The following AGBL4 variants were observed in gnomAD, a reference collection of about 807,000 sequenced individuals.
AGBL4 encodes cytosolic carboxypeptidase 6.
A neutral mutation model predicts 66.4 loss-of-function variants in AGBL4; 58 were observed. The ratio of observed to expected loss-of-function variants is 0.87; its 90% CI spans 0.71 to 1.09. AGBL4 has a LOEUF of 1.09. Ranked by LOEUF, AGBL4 falls within the 50% of genes least tolerant of loss-of-function variation. The pLI is 0.00. For missense variants in AGBL4, 579 were observed against 631.0 expected, an observed-to-expected ratio of 0.92 and a Z score of 0.88; for synonymous variants, 234 against 222.9, an observed-to-expected ratio of 1.05 and a Z score of -0.44.
intron 6 of AGBL4, among the ~76,000 whole-genome samples, chr1:48,754,137 CA>C (rs1652163943): frequency 6.6e-6 from 1 of 152,176 alleles, no homozygotes; most frequent in Non-Finnish European, 1.5e-5. Flanking sequence ...TACAGTGTAA[CA>C]AACTGGGGAG....
chr1:48,871,824 T>G (rs938730977), intron 5 of AGBL4, among the ~76,000 whole-genome samples: 8 of 152,088 alleles, frequency 5.3e-5, no homozygotes, highest in African/African-American at 1.7e-4. Flanking sequence ...TATTCCCCCA[T>G]GCATCGAGTG....
chr1:49,385,723 AAAT>A (rs1644722692), intron 3 of AGBL4, among the ~76,000 whole-genome samples: 1 of 152,094 alleles, frequency 6.6e-6, no homozygotes, highest in Admixed American at 6.5e-5. Context: ...GAGAAGACAT[AAAT>A]ATTATAGAAG....
intron 4 of AGBL4, among the ~76,000 whole-genome samples, chr1:49,215,134 A>C (rs959377334): frequency 6.6e-6 from 1 of 152,136 alleles, no homozygotes; most frequent in Non-Finnish European, 1.5e-5. Flanking sequence ...ACCTGTCAGA[A>C]ATATTCCAGC....
At chr1:49,325,692 T>G (rs1557841128) in intron 3 of AGBL4, among the ~76,000 whole-genome samples, 2 of 152,202 alleles carry the variant, frequency 1.3e-5, no homozygotes, top group Non-Finnish European at 2.9e-5. Context: ...TTTGGATCTG[T>G]GTCTCCACCA....
intron 3 of AGBL4, among the ~76,000 whole-genome samples, chr1:49,372,607 T>TTCTC (rs759190346): frequency 4.5e-5 from 5 of 111,092 alleles, no homozygotes; most frequent in Non-Finnish European, 9.2e-5. Context: ...TTCTTTTTCT[T>TTCTC]TTTCTTTCTT....
intron 5 of AGBL4, among the ~76,000 whole-genome samples, chr1:48,962,115 A>ATCCATCCATCCG (rs1271130436): frequency 2.4e-4 from 36 of 149,002 alleles, no homozygotes; most frequent in Admixed American, 1.1e-3. Flanking sequence ...CCATCCATCC[A>ATCCATCCATCCG]TCCATCCATC....
chr1:48,672,163 A>G (rs1646286907), intron 6 of AGBL4, among the ~76,000 whole-genome samples: 1 of 152,186 alleles, frequency 6.6e-6, no homozygotes, highest in Admixed American at 6.5e-5. Flanking sequence ...TCCGTAATGG[A>G]TTTTTCCACA....
intron 2 of AGBL4, among the ~76,000 whole-genome samples, chr1:49,734,781 T>C (rs953092439): frequency 6.6e-6 from 1 of 151,392 alleles, no homozygotes; most frequent in Non-Finnish European, 1.5e-5. Context: ...ACTTTATATA[T>C]ATTAAAATAA....
intron 3 of AGBL4, among the ~76,000 whole-genome samples, chr1:49,462,144 G>GAATGCT (rs1308022665): frequency 5.3e-5 from 8 of 151,662 alleles, no homozygotes; most frequent in African/African-American, 1.7e-4. Context: ...TGGGCTAGAT[G>GAATGCT]AATGCTAAGG....
rs12068292 is a variant in AGBL4, at chr1:48,732,509, G to A, written c.635-69268C>T. Reference sequence around the variant, plus strand: ...AAGTAAATAGGAAATGCTATGCAGAGACTTGGAGTAGGGTGATGTGACAGA... The same window carrying A: ...AAGTAAATAGGAAATGCTATGCAGAAACTTGGAGTAGGGTGATGTGACAGA... On this transcript the variant is annotated intron_variant, in intron 6 of 13. Coordinates refer to ENST00000371839, the MANE Select transcript of AGBL4 (RefSeq NM_032785.4). 2.9e-3 allele frequency among the ~76,000 whole-genome samples: 445 copies of A among 151,020 alleles called. 1 individual carries two copies. Among genetic ancestry groups the A allele is most frequent in the African/African-American group, 9.6e-3 (387 of 40,328 alleles).
rs140183679 is a variant in AGBL4, at chr1:48,667,537, G to A, written c.635-4296C>T. On this transcript the variant is annotated intron_variant, in intron 6 of 13. Coordinates refer to ENST00000371839, the MANE Select transcript of AGBL4 (RefSeq NM_032785.4). ...TATGCCAAAACCACCCAGCTAAGCT[G>A]TTCCCACATTCTTGACCCACAGAAA... 7.1e-3 allele frequency among the ~76,000 whole-genome samples: 1,081 copies of A among 152,328 alleles called. 13 individuals carry two copies. Among genetic ancestry groups the A allele is most frequent in the Non-Finnish European group, 0.012 (809 of 68,032 alleles).
intron 4 of AGBL4, among the ~76,000 whole-genome samples, chr1:49,202,613 C>G (rs1283239113): frequency 1.3e-5 from 2 of 151,922 alleles, no homozygotes; most frequent in Non-Finnish European, 2.9e-5. Context: ...AAAAGAAACT[C>G]AAAATGGGAT....
chr1:49,142,538 A>T (rs1646139398), intron 4 of AGBL4, among the ~76,000 whole-genome samples: 1 of 152,200 alleles, frequency 6.6e-6, no homozygotes, highest in Non-Finnish European at 1.5e-5. Flanking sequence ...AGAATGACTT[A>T]AGTGGGAGCA....
At chr1:49,150,952 C>A (rs1443881222) in intron 4 of AGBL4, among the ~76,000 whole-genome samples, 2 of 151,996 alleles carry the variant, frequency 1.3e-5, no homozygotes, top group African/African-American at 4.8e-5. Context: ...AATTAAAATA[C>A]AATTTAAAAC....
At chr1:49,923,123 T>C (rs139249579) in intron 1 of AGBL4, among the ~76,000 whole-genome samples, 138 of 152,190 alleles carry the variant, frequency 9.1e-4, no homozygotes, top group African/African-American at 3.2e-3. Flanking sequence ...AACAGACACA[T>C]AGTCCAATGG....
At chr1:49,710,731 C>T (rs1276627724) in intron 2 of AGBL4, among the ~76,000 whole-genome samples, 1 of 151,612 alleles carries the variant, frequency 6.6e-6, no homozygotes, top group African/African-American at 2.4e-5. Context: ...ATAAACTGAA[C>T]TTCATAAACA....
At chr1:50,003,760 G>T (rs753886673) in intron 1 of AGBL4, among the ~76,000 whole-genome samples, 2 of 152,138 alleles carry the variant, frequency 1.3e-5, no homozygotes, top group Non-Finnish European at 2.9e-5. Flanking sequence ...CTGGAGCAAG[G>T]AAAGGGTAGG....
intron 4 of AGBL4, among the ~76,000 whole-genome samples, chr1:49,099,120 G>A (rs372462691): frequency 6.6e-6 from 1 of 152,038 alleles, no homozygotes; most frequent in East Asian, 1.9e-4. Context: ...TCACTGCTTC[G>A]GTCTGATGCT....
rs563535999 is a variant in AGBL4, at chr1:49,528,771, G to A, written c.282+168542C>T. On this transcript the variant is annotated intron_variant, in intron 3 of 13. Coordinates refer to ENST00000371839, the MANE Select transcript of AGBL4 (RefSeq NM_032785.4). ...TAAAAAAATTAGAAAGTAAGGGGAA[G>A]AATGATATTTCAGGCAGAGGAAAGA... 1.3e-5 allele frequency among the ~76,000 whole-genome samples: 2 copies of A among 152,196 alleles called. 1 individual carries two copies. The highest frequency in any genetic ancestry group is 3.9e-4 in the East Asian group (2 of 5,184).
Sources: gnomAD v4.1 joint callset for allele counts (sites outside exome capture counted in the v4.1 genomes callset) on GRCh38, gnomAD v4.1.1 for gene constraint, MANE v1.5 for transcripts, NCBI Gene and HGNC (gene_info 2026-07-23, HGNC 2026-07-21) for gene names.